PPP1R42: variants seen among roughly 807,000 people sequenced by gnomAD.
PPP1R42 encodes leucine rich repeat containing 67.
PPP1R42 carries 34 observed loss-of-function variants against 31.0 expected under a neutral mutation model. The observed-to-expected ratio is 1.10, with a 90% CI of 0.83 to 1.46. The LOEUF is 1.46. Among genes scored for constraint, PPP1R42 ranks in the 40% most tolerant of loss-of-function variants. The pLI is 0.00. For synonymous variants in PPP1R42, 103 were observed against 109.8 expected (o/e 0.94, Z 0.39); for missense variants, 268 against 303.0 (o/e 0.88, Z 0.86).
chr8:66,988,082 A>G (rs1815079737), intron 6 of PPP1R42: 3 of 971,222 alleles, frequency 3.1e-6, no homozygotes, highest in African/African-American at 3.5e-5. Context: ...GGATCATCAA[A>G]GGATTTGTGC....
rs1043120929 is a variant in PPP1R42 at position 67,021,762 on chromosome 8, C to T, written c.-84-3931G>A. Among the ~76,000 whole-genome samples the T allele has an allele frequency of 6.6e-5, 10 of 152,016 alleles. No homozygotes were observed. In the East Asian group the frequency reaches 1.9e-3, roughly 29 times the overall value. ...ACTACAGATGTATGTATACCTAAACCATATATAGTACTGTTTTTCACAATT... is the reference window on the plus strand; with the variant it reads ...ACTACAGATGTATGTATACCTAAACTATATATAGTACTGTTTTTCACAATT... On this transcript the variant is annotated intron_variant, in intron 1 of 7. Transcript: ENST00000685739.
intron 7 of PPP1R42, among the ~76,000 whole-genome samples, chr8:66,981,041 C>T (rs945425124): frequency 2.6e-5 from 4 of 151,980 alleles, no homozygotes; most frequent in Non-Finnish European, 4.4e-5. Context: ...AGGGTTTCAC[C>T]GTGTTGACCA....
chr8:67,019,237 CT>C (rs1186280936), intron 1 of PPP1R42, among the ~76,000 whole-genome samples: 2,299 of 91,664 alleles, frequency 0.025, 43 homozygotes, highest in African/African-American at 0.1. Flanking sequence ...TTATGAGCAT[CT>C]TTTTTTTTTT....
chr8:66,996,967 C>T (rs1815349766), intron 5 of PPP1R42, among the ~76,000 whole-genome samples: 1 of 152,160 alleles, frequency 6.6e-6, no homozygotes, highest in Non-Finnish European at 1.5e-5. Flanking sequence ...GCCTGGCCAA[C>T]ATGCCGAAAC....
At chr8:66,984,827 C>T in intron 6 of PPP1R42, 1 of 1,600,762 alleles carries the variant, frequency 6.2e-7, no homozygotes, top group Non-Finnish European at 8.6e-7. Context: ...GGCATCAGGC[C>T]CAGCCTGACT....
intron 5 of PPP1R42, among the ~76,000 whole-genome samples, chr8:67,004,445 G>C (rs1042158250): frequency 6.6e-6 from 1 of 152,146 alleles, no homozygotes; most frequent in African/African-American, 2.4e-5. Context: ...TGGATCTTCT[G>C]AATTAATTCT....
At chr8:66,982,470 T>G (rs78602213) in intron 6 of PPP1R42, among the ~76,000 whole-genome samples, 4,812 of 152,292 alleles carry the variant, frequency 0.032, 110 homozygotes, top group Middle Eastern at 0.065. Context: ...ATTTATTTTT[T>G]TTTTGAGACA....
At chr8:66,976,647 G>C (rs577321040) in intron 7 of PPP1R42, among the ~76,000 whole-genome samples, 2 of 149,870 alleles carry the variant, frequency 1.3e-5, no homozygotes, top group Admixed American at 6.6e-5. Context: ...AGATGAGTGA[G>C]AACATGCACC....
chr8:67,013,164 A>G (rs921382356), intron 3 of PPP1R42, 68 bp from the exon 4 acceptor site: 1 of 1,271,460 alleles, frequency 7.9e-7, no homozygotes, highest in Non-Finnish European at 1.1e-6. Flanking sequence ...AAACGTGACA[A>G]AAGTGTAATA....
intron 5 of PPP1R42, among the ~76,000 whole-genome samples, chr8:66,991,516 T>A (rs1162189869): frequency 6.6e-6 from 1 of 152,214 alleles, no homozygotes; most frequent in Non-Finnish European, 1.5e-5. Context: ...CTCTTTCGCC[T>A]TCTCTTCAGT....
intron 7 of PPP1R42, among the ~76,000 whole-genome samples, chr8:66,980,144 A>G (rs542817511): frequency 4.7e-4 from 71 of 152,316 alleles, no homozygotes; most frequent in Non-Finnish European, 8.4e-4. Context: ...AGAAATTCAC[A>G]TTGCAACACA....
chr8:66,975,675 C>A (rs1814649558), intron 7 of PPP1R42, among the ~76,000 whole-genome samples: 1 of 151,852 alleles, frequency 6.6e-6, no homozygotes, highest in African/African-American at 2.4e-5. Context: ...AGTTGGGGCT[C>A]ACACTAGATT....
chr8:66,988,448 G>C lies in PPP1R42; in HGVS notation c.622C>G (p.Leu208Val), dbSNP rs1280207388. The change falls in exon 6 of 8, where the codon CTC becomes GTC. Residue 208 changes from leucine to valine, a missense_variant. By Grantham distance (32) the Leu-to-Val change is conservative. Coordinates refer to ENST00000685739, the MANE Select transcript of PPP1R42 (RefSeq NM_001364910.1). ...KIDLNGNPVC[L>V]KPKYRDRLIL... ...AGTCTGTCCCTGTATTTTGGTTTGA[G>C]ACAAACAGGATTTCCATTTAGATCA... is the stretch of plus-strand genomic sequence containing the variant. The C allele has an allele frequency of 1.2e-6, 2 of 1,609,354 alleles. No homozygotes were observed. Among genetic ancestry groups the C allele is most frequent in the Non-Finnish European group, 8.5e-7 (1 of 1,177,394 alleles).
chr8:66,964,282 C>A lies in PPP1R42; in HGVS notation c.*39G>T. On this transcript the variant is annotated 3_prime_UTR_variant, in exon 8 of 8. Transcript: ENST00000685739. Reference sequence around the variant, plus strand: ...TCTGGGTTATGGAAGAGGTGAGGTTCATGCACATCATTTTTTGTCAGCAAG... The same window carrying A: ...TCTGGGTTATGGAAGAGGTGAGGTTAATGCACATCATTTTTTGTCAGCAAG... 7.8e-7 allele frequency: 1 copy of A among 1,275,300 alleles called. No individual in the cohort carries two copies. The highest frequency in any genetic ancestry group is 1.0e-6 in the Non-Finnish European group (1 of 979,404). The allele number at this position is 1,275,300 out of a possible 1,614,324, so 79.0% of individuals were successfully genotyped here.
chr8:66,964,293 T>C lies in PPP1R42; in HGVS notation c.*28A>G, dbSNP rs1335072647. The C allele has an allele frequency of 7.8e-7, 1 of 1,278,046 alleles. No individual in the cohort carries two copies. The allele number at this position is 1,278,046 out of a possible 1,614,324, so 79.2% of individuals were successfully genotyped here. ...GAAGAGGTGAGGTTCATGCACATCA[T>C]TTTTTGTCAGCAAGCTTTCAGATTG... On this transcript the variant is annotated 3_prime_UTR_variant, in exon 8 of 8. Coordinates refer to ENST00000685739, the MANE Select transcript of PPP1R42 (RefSeq NM_001364910.1).
At chr8:66,981,981 T>A (rs1255221722) in intron 7 of PPP1R42, 68 bp downstream of exon 7, 6 of 1,257,962 alleles carry the variant, frequency 4.8e-6, no homozygotes, top group African/African-American at 3.1e-5. Flanking sequence ...TTTGTTGGCA[T>A]TTTTTTGTTG....
chr8:66,987,131 A>G (rs942898161), intron 6 of PPP1R42, among the ~76,000 whole-genome samples: 2 of 152,118 alleles, frequency 1.3e-5, no homozygotes, highest in Non-Finnish European at 2.9e-5. Context: ...TAATCAATAC[A>G]TACTTTAAAA....
At chr8:67,001,924 T>C (rs1226288336) in intron 5 of PPP1R42, among the ~76,000 whole-genome samples, 1 of 152,232 alleles carries the variant, frequency 6.6e-6, no homozygotes, top group Non-Finnish European at 1.5e-5. Context: ...ATCACACTAC[T>C]GCACTACAGA....
chr8:66,969,587 C>G lies in PPP1R42; in HGVS notation c.803-5253G>C, dbSNP rs563112612. Among the ~76,000 whole-genome samples the G allele has an allele frequency of 2.0e-5, 3 of 152,284 alleles. No homozygotes were observed. In the East Asian group the frequency reaches 5.8e-4, roughly 29 times the overall value. On this transcript the variant is annotated intron_variant, in intron 7 of 7. Transcript: ENST00000685739. ...CTCCTAAGACTGCATCCCAGCAAGC[C>G]TGAGCCACTCTGCAGGGAATAGGGG...
Sources: allele counts gnomAD v4.1 joint callset (sites outside exome capture counted in the v4.1 genomes callset), GRCh38; gene constraint gnomAD v4.1.1; transcripts MANE v1.5; gene names NCBI Gene and HGNC (gene_info 2026-07-23, HGNC 2026-07-21).